GLI2: variants seen among roughly 807,000 people sequenced by gnomAD.
GLI2 encodes transcription activator GLI2.
A neutral mutation model predicts 78.9 loss-of-function variants in GLI2; 22 were observed. The observed-to-expected ratio is 0.28, with a 90% CI of 0.20 to 0.40. The LOEUF (loss-of-function observed/expected upper bound fraction) is 0.40, where lower values mean the gene tolerates loss of function less well. GLI2 is among the 10% of genes least tolerant of loss of function. GLI2 has a pLI of 1.00. For synonymous variants in GLI2, 974 were observed against 963.7 expected, an observed-to-expected ratio of 1.01 and a Z score of -0.20; for missense variants, 2,097 against 2,213.2, an observed-to-expected ratio of 0.95 and a Z score of 1.05.
At chr2:120,777,804 A>G (rs1186749247) in intron 1 of GLI2, among the ~76,000 whole-genome samples, 1 of 150,422 alleles carries the variant, frequency 6.6e-6, no homozygotes, top group Middle Eastern at 3.2e-3. Context: ...AGGGACAGCG[A>G]TGAGTGGCCC....
At chr2:120,846,588 C>A (rs1362313347) in intron 2 of GLI2, among the ~76,000 whole-genome samples, 2 of 152,208 alleles carry the variant, frequency 1.3e-5, no homozygotes, top group Admixed American at 1.3e-4. Flanking sequence ...TGCCGAAGCA[C>A]CTGTCCTGCC....
At chr2:120,901,137 G>T (rs531117900) in intron 2 of GLI2, among the ~76,000 whole-genome samples, 1 of 152,166 alleles carries the variant, frequency 6.6e-6, no homozygotes, top group African/African-American at 2.4e-5. Flanking sequence ...TGCTGACATG[G>T]AATTCACATT....
intron 8 of GLI2, among the ~76,000 whole-genome samples, chr2:120,973,407 G>A (rs1169275152): frequency 2.0e-5 from 3 of 152,230 alleles, no homozygotes; most frequent in Non-Finnish European, 1.5e-5. Context: ...AACCCTGGCC[G>A]GCCATACAGG....
chr2:120,910,585 C>T (rs1678766682), intron 2 of GLI2, among the ~76,000 whole-genome samples: 1 of 152,222 alleles, frequency 6.6e-6, no homozygotes. Context: ...CTTTGCCATC[C>T]TCGCCGCCCT....
intron 1 of GLI2, among the ~76,000 whole-genome samples, chr2:120,793,245 C>A (rs185113471): frequency 5.1e-4 from 77 of 152,344 alleles, no homozygotes; most frequent in African/African-American, 1.8e-3. Context: ...GAGAGTGTGG[C>A]TGTGTTTCCT....
At chr2:120,837,688 A>G (rs1686683431) in intron 2 of GLI2, among the ~76,000 whole-genome samples, 2 of 152,246 alleles carry the variant, frequency 1.3e-5, no homozygotes, top group African/African-American at 4.8e-5. Flanking sequence ...GACATTATGT[A>G]GAGATCAAAT....
chr2:120,873,694 G>A (rs1014705349), intron 2 of GLI2, among the ~76,000 whole-genome samples: 7 of 152,142 alleles, frequency 4.6e-5, no homozygotes, highest in African/African-American at 1.7e-4. Context: ...GAATGTTTTT[G>A]ACCTTCCCAC....
intron 4 of GLI2, 96 bp from the exon 5 acceptor site, chr2:120,955,149 C>G: frequency 2.8e-6 from 2 of 722,866 alleles, no homozygotes; most frequent in Non-Finnish European, 4.7e-6. Context: ...GCATTTCTCT[C>G]TGCCTTTTTT....
intron 2 of GLI2, among the ~76,000 whole-genome samples, chr2:120,875,975 C>A (rs1397374149): frequency 6.6e-6 from 1 of 152,164 alleles, no homozygotes; most frequent in African/African-American, 2.4e-5. Context: ...AAAGAATGGA[C>A]TGTTCAGTAG....
intron 2 of GLI2, among the ~76,000 whole-genome samples, chr2:120,864,756 C>A (rs147796771): frequency 4.6e-5 from 7 of 152,300 alleles, no homozygotes; most frequent in African/African-American, 7.2e-5. Context: ...CCCATCCTCT[C>A]TTACCTGAGC....
intron 2 of GLI2, among the ~76,000 whole-genome samples, chr2:120,807,752 G>A (rs1260884288): frequency 6.6e-6 from 1 of 152,158 alleles, no homozygotes; most frequent in Non-Finnish European, 1.5e-5. Context: ...CGAGTCTAGT[G>A]GCCCCTCCTA....
chr2:120,788,077 G>A (rs922166900), intron 1 of GLI2, among the ~76,000 whole-genome samples: 2 of 152,222 alleles, frequency 1.3e-5, no homozygotes, highest in African/African-American at 4.8e-5. Context: ...GTGTGTGCCA[G>A]GCCCCATGTG....
chr2:120,937,157 C>G (rs1680238286), intron 3 of GLI2, among the ~76,000 whole-genome samples: 2 of 152,304 alleles, frequency 1.3e-5, no homozygotes, highest in Non-Finnish European at 2.9e-5. Flanking sequence ...AATGCTCGTT[C>G]CTCTGAGGAC....
chr2:120,884,739 T>G (rs1677312992), intron 2 of GLI2, among the ~76,000 whole-genome samples: 1 of 152,164 alleles, frequency 6.6e-6, no homozygotes, highest in Non-Finnish European at 1.5e-5. Context: ...GGAGTCCAGC[T>G]AGAGTGGGCA....
At chr2:120,975,864 C>T (rs1021196361) in intron 9 of GLI2, among the ~76,000 whole-genome samples, 2 of 152,206 alleles carry the variant, frequency 1.3e-5, no homozygotes, top group Non-Finnish European at 2.9e-5. Context: ...TGGTTCTGAG[C>T]AAGTGACTCC....
intron 5 of GLI2, among the ~76,000 whole-genome samples, chr2:120,956,859 C>T (rs56761648): frequency 0.013 from 2,041 of 152,232 alleles, 40 homozygotes; most frequent in African/African-American, 0.047. Flanking sequence ...CTGCCTTGCT[C>T]ACCCCGACCC....
chr2:120,897,094 G>A (rs1678010169), intron 2 of GLI2, among the ~76,000 whole-genome samples: 1 of 152,182 alleles, frequency 6.6e-6, no homozygotes, highest in African/African-American at 2.4e-5. Flanking sequence ...GCTGCCTGCG[G>A]GCACATGCCT....
At chr2:120,871,495 A>T (rs771483311) in intron 2 of GLI2, among the ~76,000 whole-genome samples, 38 of 152,208 alleles carry the variant, frequency 2.5e-4, no homozygotes, top group Non-Finnish European at 3.8e-4. Context: ...GGCTGGCCAC[A>T]CCCAGACCAG....
At chr2:120,971,618 A>G (rs927016332) in intron 7 of GLI2, among the ~76,000 whole-genome samples, 2 of 152,182 alleles carry the variant, frequency 1.3e-5, no homozygotes, top group African/African-American at 2.4e-5. Context: ...CCTGCTCTGG[A>G]GGGCTGAGAA....
Sources: gnomAD v4.1 joint callset for allele counts (sites outside exome capture counted in the v4.1 genomes callset) on GRCh38, gnomAD v4.1.1 for gene constraint, MANE v1.5 for transcripts, NCBI Gene and HGNC (gene_info 2026-07-23, HGNC 2026-07-21) for gene names.